CSMD3: variants seen among roughly 807,000 people sequenced by gnomAD.
CSMD3 encodes the protein CUB and Sushi multiple domains 3.
Under a neutral mutation model 435.2 loss-of-function variants are expected in CSMD3, and 177 were observed. The observed-to-expected ratio is 0.41, with a 90% CI of 0.36 to 0.46. CSMD3 has a LOEUF of 0.46. CSMD3 is among the 20% of genes least tolerant of loss of function. The probability of loss-of-function intolerance (pLI) is 0.34; values close to 1 mark genes in which losing one functional copy is unlikely to be tolerated. For synonymous variants in CSMD3, 1,656 were observed against 1,520.5 expected, an observed-to-expected ratio of 1.09 and a Z score of -2.07; for missense variants, 4,265 against 4,504.6, an observed-to-expected ratio of 0.95 and a Z score of 1.52.
intron 5 of CSMD3, among the ~76,000 whole-genome samples, chr8:113,050,100 A>G (rs989811342): frequency 2.6e-5 from 4 of 152,148 alleles, no homozygotes; most frequent in Non-Finnish European, 5.9e-5. Flanking sequence ...ATAAATTTAA[A>G]AATTTAAAAT....
intron 4 of CSMD3, among the ~76,000 whole-genome samples, chr8:113,106,787 G>A (rs2090489813): frequency 6.6e-6 from 1 of 152,134 alleles, no homozygotes; most frequent in South Asian, 2.1e-4. Context: ...TTAATAAGTT[G>A]TCAGTGAATT....
chr8:113,286,856 T>C (rs1219056869), intron 2 of CSMD3, among the ~76,000 whole-genome samples: 1 of 150,908 alleles, frequency 6.6e-6, no homozygotes, highest in Non-Finnish European at 1.5e-5. Context: ...AGAAGCAAAA[T>C]AGACATGGAT....
At position 112,985,108 on chromosome 8, in the gene CSMD3, G is replaced by A. The variant is rs75572065; in HGVS notation, c.1031-8960C>T. ...AAAAATAACCAGAGCAATGTGATAT[G>A]TTTAATAGAGGATACAGTATAACTA... On this transcript the variant is annotated intron_variant, in intron 6 of 70. Transcript: ENST00000297405. Among the ~76,000 whole-genome samples, 1,008 of 152,138 alleles carry A rather than the reference G, an allele frequency of 6.6e-3. 12 individuals are homozygous for A. Among genetic ancestry groups the A allele is most frequent in the African/African-American group, 0.023 (966 of 41,486 alleles).
intron 12 of CSMD3, among the ~76,000 whole-genome samples, chr8:112,808,797 G>A (rs959931113): frequency 3.3e-5 from 5 of 151,658 alleles, no homozygotes; most frequent in Admixed American, 6.6e-5. Flanking sequence ...CCTTCTTCGA[G>A]GCCAAGAGAA....
intron 13 of CSMD3, among the ~76,000 whole-genome samples, chr8:112,763,050 T>A (rs1403886968): frequency 6.6e-6 from 1 of 151,722 alleles, no homozygotes; most frequent in Non-Finnish European, 1.5e-5. Flanking sequence ...ATTTAAAGTG[T>A]TCTCACCACA....
At chr8:112,947,338 A>T (rs961002808) in intron 9 of CSMD3, among the ~76,000 whole-genome samples, 1 of 151,834 alleles carries the variant, frequency 6.6e-6, no homozygotes, top group Non-Finnish European at 1.5e-5. Context: ...ATTACACAAT[A>T]CAAATAAGAT....
chr8:113,317,488 A>G (rs1312001749), intron 1 of CSMD3, among the ~76,000 whole-genome samples: 1 of 152,198 alleles, frequency 6.6e-6, no homozygotes, highest in Non-Finnish European at 1.5e-5. Flanking sequence ...GATTTCGAGT[A>G]CTTTTATTTT....
At chr8:113,313,475 C>G (rs1350270601) in intron 2 of CSMD3, 2 of 151,986 alleles carry the variant, frequency 1.3e-5, no homozygotes. Context: ...GCGCCCGCCC[C>G]GACACCCGGC....
rs141863300 is a variant in CSMD3 at position 112,304,776 on chromosome 8, G to C, written c.8211C>G (p.Ile2737Met). The change falls in exon 52 of 71, where the codon ATC (isoleucine) becomes ATG (methionine). Residue 2737 changes from isoleucine to methionine, a missense_variant. Transcript: ENST00000297405. ...TCCAAGTACCATTAGGAAGACATTC[G>C]ATGGAGGCAGGACCTAGTCCATGAT... is the stretch of plus-strand genomic sequence containing the variant. ...PGYHGLGPAS[I>M]ECLPNGTWSW... 5.6e-6 allele frequency: 9 copies of C among 1,613,684 alleles called. No individual in the cohort carries two copies. The African/African-American group carries it at 1.1e-4, about 19-fold the overall frequency.
At chr8:112,336,577 G>A in intron 44 of CSMD3, 75 bp downstream of exon 44, 1 of 1,113,738 alleles carries the variant, frequency 9.0e-7, no homozygotes, top group African/African-American at 1.5e-5. Context: ...ACAGAGGATT[G>A]TGATATATTT....
At chr8:113,224,044 T>C (rs1010917601) in intron 3 of CSMD3, among the ~76,000 whole-genome samples, 1 of 151,130 alleles carries the variant, frequency 6.6e-6, no homozygotes, top group East Asian at 1.9e-4. Flanking sequence ...AATAATACCA[T>C]GGATTTCCCA....
intron 4 of CSMD3, among the ~76,000 whole-genome samples, chr8:113,171,534 G>T (rs994107529): frequency 2.2e-3 from 39 of 17,926 alleles, no homozygotes; most frequent in Admixed American, 9.9e-3. Flanking sequence ...GATTTAGGGA[G>T]TTTTATGGTT....
intron 13 of CSMD3, among the ~76,000 whole-genome samples, chr8:112,702,372 A>G (rs1361163476): frequency 6.6e-6 from 1 of 152,174 alleles, no homozygotes; most frequent in Non-Finnish European, 1.5e-5. Context: ...AACATACAAA[A>G]GTATATGGTC....
intron 4 of CSMD3, among the ~76,000 whole-genome samples, chr8:113,143,995 G>A (rs953961160): frequency 3.0e-4 from 46 of 151,310 alleles, no homozygotes; most frequent in African/African-American, 1.1e-3. Context: ...AACTGCACGT[G>A]AATCCACAAT....
At chr8:112,423,273 C>T (rs1489673907) in intron 32 of CSMD3, among the ~76,000 whole-genome samples, 1 of 152,130 alleles carries the variant, frequency 6.6e-6, no homozygotes, top group East Asian at 1.9e-4. Context: ...CTCACCGTGG[C>T]TATTTCAATC....
At chr8:112,422,072 T>C (rs983592429) in intron 32 of CSMD3, among the ~76,000 whole-genome samples, 8 of 152,138 alleles carry the variant, frequency 5.3e-5, no homozygotes, top group African/African-American at 1.9e-4. Flanking sequence ...CATTATCCTA[T>C]AGAGCATGGC....
At chr8:112,308,063 T>C (rs1821612725) in intron 50 of CSMD3, among the ~76,000 whole-genome samples, 1 of 152,154 alleles carries the variant, frequency 6.6e-6, no homozygotes, top group Non-Finnish European at 1.5e-5. Context: ...TGTAATTTGG[T>C]AACCTGTAAA....
At chr8:112,337,955 G>A (rs1334582534) in intron 42 of CSMD3, among the ~76,000 whole-genome samples, 1 of 152,004 alleles carries the variant, frequency 6.6e-6, no homozygotes, top group Non-Finnish European at 1.5e-5. Context: ...TAATAAAAAC[G>A]CATGCTTTCT....
chr8:112,976,529 A>T (rs2084855375), intron 6 of CSMD3, among the ~76,000 whole-genome samples: 1 of 152,110 alleles, frequency 6.6e-6, no homozygotes, highest in Admixed American at 6.6e-5. Context: ...CACTTTTCTC[A>T]AAAGTATGCT....
Sources: gnomAD v4.1 joint callset for allele counts (sites outside exome capture counted in the v4.1 genomes callset) on GRCh38, gnomAD v4.1.1 for gene constraint, MANE v1.5 for transcripts, NCBI Gene and HGNC (gene_info 2026-07-23, HGNC 2026-07-21) for gene names.